CORIN: variants seen among roughly 807,000 people sequenced by gnomAD.
The protein encoded by CORIN is atrial natriuretic peptide-converting enzyme.
A neutral mutation model predicts 125.3 loss-of-function variants in CORIN; 117 were observed. The observed-to-expected ratio is 0.93, with a 90% confidence interval of 0.80 to 1.09. The LOEUF (loss-of-function observed/expected upper bound fraction) is 1.09. CORIN is among the 50% of genes least tolerant of loss of function. CORIN has a pLI of 0.00. For synonymous variants in CORIN, 450 were observed against 466.4 expected (o/e 0.96, Z 0.45); for missense variants, 1,253 against 1,306.7 (o/e 0.96, Z 0.63).
chr4:47,742,928 T>C (rs999402341), intron 5 of CORIN, among the ~76,000 whole-genome samples: 4 of 152,122 alleles, frequency 2.6e-5, no homozygotes, highest in African/African-American at 9.6e-5. Context: ...AAAATAGATA[T>C]ACATGTAATC....
At chr4:47,789,994 C>A in intron 2 of CORIN, among the ~76,000 whole-genome samples, 1 of 152,060 alleles carries the variant, frequency 6.6e-6, no homozygotes, top group East Asian at 1.9e-4. Flanking sequence ...TGCACTCCAG[C>A]CTGGGAGACA....
At chr4:47,767,289 T>C (rs1729802164) in intron 3 of CORIN, among the ~76,000 whole-genome samples, 1 of 151,818 alleles carries the variant, frequency 6.6e-6, no homozygotes, top group Non-Finnish European at 1.5e-5. Context: ...AAGATCTGTA[T>C]ATGAAACAAT....
intron 2 of CORIN, among the ~76,000 whole-genome samples, 180 bp from the exon 3 acceptor site, chr4:47,787,105 A>G (rs1297664849): frequency 3.9e-5 from 6 of 152,188 alleles, no homozygotes; most frequent in African/African-American, 1.4e-4. Flanking sequence ...AACAACCACA[A>G]AACCAAGAGT....
intron 10 of CORIN, among the ~76,000 whole-genome samples, chr4:47,670,609 G>A (rs1724706548): frequency 6.6e-6 from 1 of 152,198 alleles, no homozygotes; most frequent in Non-Finnish European, 1.5e-5. Context: ...GAACACTGTG[G>A]GAGGCTTGAG....
At chr4:47,648,777 A>G (rs1186885443) in intron 13 of CORIN, among the ~76,000 whole-genome samples, 2 of 152,154 alleles carry the variant, frequency 1.3e-5, no homozygotes, top group Non-Finnish European at 2.9e-5. Context: ...AGACAAGGTA[A>G]TACTGCATTA....
chr4:47,707,093 A>G, intron 5 of CORIN: 2 of 1,418,600 alleles, frequency 1.4e-6, no homozygotes. Context: ...ATGTTTCTTG[A>G]ATGCTTTGTC....
intron 12 of CORIN, among the ~76,000 whole-genome samples, chr4:47,660,135 T>C (rs925536526): frequency 6.6e-6 from 1 of 152,238 alleles, no homozygotes. Flanking sequence ...GATATTCATA[T>C]GCAGAAGAAT....
At chr4:47,691,636 A>C (rs1409533280) in intron 6 of CORIN, among the ~76,000 whole-genome samples, 1 of 152,222 alleles carries the variant, frequency 6.6e-6, no homozygotes, top group Non-Finnish European at 1.5e-5. Context: ...AAAGTTAGGC[A>C]AATGTCTTTT....
At chr4:47,718,455 G>A (rs887783420) in intron 5 of CORIN, among the ~76,000 whole-genome samples, 4 of 152,132 alleles carry the variant, frequency 2.6e-5, no homozygotes, top group African/African-American at 9.7e-5. Context: ...AATTAAATGA[G>A]ACAGGGTATG....
chr4:47,815,426 T>C (rs1732223760), intron 1 of CORIN, among the ~76,000 whole-genome samples: 1 of 152,168 alleles, frequency 6.6e-6, no homozygotes, highest in East Asian at 1.9e-4. Flanking sequence ...TAGTTTAGCC[T>C]TTTAGGTAAA....
intron 2 of CORIN, among the ~76,000 whole-genome samples, chr4:47,804,803 A>C (rs1172192987): frequency 6.6e-6 from 1 of 151,982 alleles, no homozygotes; most frequent in Non-Finnish European, 1.5e-5. Flanking sequence ...ATATTATTTG[A>C]TTGCACAACA....
intron 5 of CORIN, among the ~76,000 whole-genome samples, chr4:47,736,074 T>G (rs1416414593): frequency 2.0e-5 from 3 of 152,136 alleles, no homozygotes; most frequent in Admixed American, 6.5e-5. Context: ...TATGAATTCT[T>G]AAATCCCGTA....
Position 47,744,477 on chromosome 4 carries a change from G to A in CORIN, c.724C>T (p.Gln242Ter). 1 of 1,614,018 alleles carries A rather than the reference G, an allele frequency of 6.2e-7. No homozygotes were observed. The highest frequency in any genetic ancestry group is 8.5e-7 in the Non-Finnish European group (1 of 1,179,984). Residue 242 changes from glutamine to a stop codon, truncating the protein, a stop_gained, in exon 5 of 22, where the codon CAG (glutamine) becomes TAG (stop). Transcript: ENST00000273857. LOFTEE classifies it high-confidence loss of function. The part of the protein sequence containing the change: ...YSWPDFLRCS[Q>*]FRNQTESSNV... Reference sequence around the variant, plus strand: ...CTGCTTTCAGTTTGGTTTCTAAACTGGGAGCATCTGAGGAAATCCGGCCAG... The same window carrying A: ...CTGCTTTCAGTTTGGTTTCTAAACTAGGAGCATCTGAGGAAATCCGGCCAG...
chr4:47,824,113 T>C (rs1447024326), intron 1 of CORIN, among the ~76,000 whole-genome samples: 3 of 148,736 alleles, frequency 2.0e-5, no homozygotes, highest in South Asian at 2.1e-4. Context: ...ATCAATGCTA[T>C]TCCTTTTTTT....
At chr4:47,721,511 T>C (rs1198336899) in intron 5 of CORIN, among the ~76,000 whole-genome samples, 1 of 152,184 alleles carries the variant, frequency 6.6e-6, no homozygotes, top group Non-Finnish European at 1.5e-5. Flanking sequence ...TCAGGTGATC[T>C]GCCCGCCTTG....
At chr4:47,725,927 C>T (rs1027965207) in intron 5 of CORIN, among the ~76,000 whole-genome samples, 23 of 152,092 alleles carry the variant, frequency 1.5e-4, no homozygotes, top group Admixed American at 1.3e-3. Flanking sequence ...AACAACCCCC[C>T]ACTCCTGCCA....
At position 47,667,817 on chromosome 4, in the gene CORIN, C is replaced by T. The variant is rs546451481; in HGVS notation, c.1358-2554G>A. 5.9e-5 allele frequency among the ~76,000 whole-genome samples: 9 copies of T among 152,238 alleles called. No homozygotes were observed. In the South Asian group the frequency reaches 1.5e-3, roughly 25 times the overall value. On this transcript the variant is annotated intron_variant, in intron 10 of 21. Coordinates refer to ENST00000273857, the MANE Select transcript of CORIN (RefSeq NM_006587.4). The stretch of plus-strand genomic sequence containing the variant: ...GTTGGTCGGTTCAGTTTATCCTTTC[C>T]TGTGATTTGTGAAGGAGGGGTTGGA...
At chr4:47,628,293 T>G (rs4522838) in intron 16 of CORIN, among the ~76,000 whole-genome samples, 39,734 of 151,892 alleles carry the variant, frequency 0.26, 5,425 homozygotes, top group Admixed American at 0.36. Flanking sequence ...TTTCCCTTTC[T>G]TTTTTTTCCA....
Position 47,643,236 on chromosome 4 carries a change from G to C in CORIN, c.1978C>G (p.Leu660Val). The C allele has an allele frequency of 6.3e-7, 1 of 1,598,066 alleles. No homozygotes were observed. The highest frequency in any genetic ancestry group is 8.5e-7 in the Non-Finnish European group (1 of 1,172,032). ...KNCSFCQDDE[L>V]ECANHACVSR... is the part of the protein sequence containing the mutation. ...ACACACGCATGGTTTGCACATTCCAGCTCATCATCTTGGCAAAATGCTGGC... is the reference window on the plus strand; with the variant it reads ...ACACACGCATGGTTTGCACATTCCACCTCATCATCTTGGCAAAATGCTGGC... Residue 660 changes from leucine (L) to valine (V), a missense_variant, in exon 15 of 22, where the codon CTG (leucine) becomes GTG (valine). Leu to Val is a conservative substitution (Grantham distance 32, BLOSUM62 1). Coordinates refer to ENST00000273857, the MANE Select transcript of CORIN (RefSeq NM_006587.4).
Sources: gnomAD v4.1 joint callset for allele counts (sites outside exome capture counted in the v4.1 genomes callset) on GRCh38, gnomAD v4.1.1 for gene constraint, MANE v1.5 for transcripts, NCBI Gene and HGNC (gene_info 2026-07-23, HGNC 2026-07-21) for gene names.